The following NRF1 variants were observed in gnomAD, a reference collection of about 807,000 sequenced individuals.
The protein encoded by NRF1 is nuclear respiratory factor 1.
Under a neutral mutation model 58.5 loss-of-function variants are expected in NRF1, and 5 were observed. That is an observed-to-expected ratio of 0.09 (90% CI 0.04 to 0.18). The LOEUF is 0.18. Among genes scored for constraint, NRF1 ranks in the 10% least tolerant of loss-of-function variants. The pLI is 1.00. For synonymous variants in NRF1, 224 were observed against 246.7 expected, an observed-to-expected ratio of 0.91 and a Z score of 0.86; for missense variants, 288 against 657.7, an observed-to-expected ratio of 0.44 and a Z score of 6.15.
At chr7:129,634,033 AAAAAAAAAAG>A (rs1179121490) in intron 1 of NRF1, among the ~76,000 whole-genome samples, 2 of 63,166 alleles carry the variant, frequency 3.2e-5, no homozygotes, top group African/African-American at 2.0e-4. Flanking sequence ...TGTATTTAAA[AAAAAAAAAAG>A]ATATATATAT....
chr7:129,756,737 A>G lies in NRF1; in HGVS notation c.*1556A>G, dbSNP rs1804269116. On this transcript the variant is annotated 3_prime_UTR_variant, in exon 11 of 11. Coordinates refer to ENST00000393232, the MANE Select transcript of NRF1 (RefSeq NM_005011.5). ...CACGTCTTGCTCAACCTTTGAGAGAAGTTTCAGATTCTTGTATTTGCTTGT... is the reference window on the plus strand; with the variant it reads ...CACGTCTTGCTCAACCTTTGAGAGAGGTTTCAGATTCTTGTATTTGCTTGT... 1 of 152,578 alleles carries G rather than the reference A, an allele frequency of 6.6e-6. No homozygotes were observed. Among genetic ancestry groups the G allele is most frequent in the African/African-American group, 2.4e-5 (1 of 41,416 alleles). 9.5% of individuals were successfully genotyped at this position (152,578 alleles called of 1,614,324 possible). A position where few individuals can be genotyped will look rare whatever the true frequency, so the allele number is the denominator to read the frequency against.
intron 1 of NRF1, among the ~76,000 whole-genome samples, chr7:129,625,972 A>T (rs182152907): frequency 6.6e-6 from 1 of 151,918 alleles, no homozygotes; most frequent in Admixed American, 6.6e-5. Context: ...ATGAGCCACC[A>T]CACCCAGCCC....
chr7:129,668,714 C>T lies in NRF1; in HGVS notation c.224-2715C>T, dbSNP rs75371985. Reference sequence around the variant, plus strand: ...CATGGATGAATCTAGAAACATTATTCTAAGTGAAGTTTTAAGTGAAAGAGT... The same window carrying T: ...CATGGATGAATCTAGAAACATTATTTTAAGTGAAGTTTTAAGTGAAAGAGT... On this transcript the variant is annotated intron_variant, in intron 2 of 10. Transcript: ENST00000393232. Among the ~76,000 whole-genome samples, 3,176 of 152,194 alleles carry T rather than the reference C, an allele frequency of 0.021. 244 individuals are homozygous for T. In the East Asian group the frequency reaches 0.26, roughly 12 times the overall value.
At chr7:129,661,789 T>G (rs1240257602) in intron 2 of NRF1, among the ~76,000 whole-genome samples, 1 of 150,952 alleles carries the variant, frequency 6.6e-6, no homozygotes, top group African/African-American at 2.5e-5. Flanking sequence ...TATTACCCAG[T>G]TCCAAAGTCA....
At chr7:129,620,534 G>A (rs1057445721) in intron 1 of NRF1, among the ~76,000 whole-genome samples, 10 of 151,834 alleles carry the variant, frequency 6.6e-5, no homozygotes, top group African/African-American at 1.7e-4. Context: ...GATTACAGGC[G>A]CCTGCCACCA....
intron 1 of NRF1, among the ~76,000 whole-genome samples, chr7:129,654,018 G>A (rs966553335): frequency 6.6e-6 from 1 of 152,212 alleles, no homozygotes; most frequent in African/African-American, 2.4e-5. Flanking sequence ...TGTATGGTAA[G>A]AGTATGTTTA....
chr7:129,657,640 C>CCAAAAA, intron 2 of NRF1, 66 bp downstream of exon 2: 2 of 1,028,060 alleles, frequency 1.9e-6, no homozygotes, highest in Non-Finnish European at 2.8e-6. Flanking sequence ...GACAGCGTCT[C>CCAAAAA]ACTCTGTTGC....
intron 1 of NRF1, among the ~76,000 whole-genome samples, chr7:129,626,230 GT>G (rs1800916620): frequency 6.6e-6 from 1 of 152,184 alleles, no homozygotes; most frequent in Non-Finnish European, 1.5e-5. Flanking sequence ...CTCATTCAAT[GT>G]TGCCTTCGAC....
intron 5 of NRF1, among the ~76,000 whole-genome samples, chr7:129,707,049 AGTGG>A: frequency 6.6e-6 from 1 of 152,254 alleles, no homozygotes; most frequent in East Asian, 1.9e-4. Flanking sequence ...GCTGGAGTGA[AGTGG>A]CACCATCATG....
intron 1 of NRF1, among the ~76,000 whole-genome samples, chr7:129,621,079 C>T (rs1257542322): frequency 6.6e-6 from 1 of 152,166 alleles, no homozygotes; most frequent in Non-Finnish European, 1.5e-5. Flanking sequence ...TTCACTAGAT[C>T]TTACTTGATT....
At chr7:129,747,079 A>G (rs772693763) in intron 10 of NRF1, among the ~76,000 whole-genome samples, 1 of 152,170 alleles carries the variant, frequency 6.6e-6, no homozygotes, top group Non-Finnish European at 1.5e-5. Flanking sequence ...GATAACTTCA[A>G]CAGCCCTGCA....
chr7:129,688,490 A>G (rs1041030788), intron 4 of NRF1, among the ~76,000 whole-genome samples: 1 of 152,128 alleles, frequency 6.6e-6, no homozygotes, highest in Non-Finnish European at 1.5e-5. Context: ...TAACCTTATA[A>G]ACCTTAAAGT....
intron 2 of NRF1, among the ~76,000 whole-genome samples, chr7:129,659,316 TGATCCA>T (rs1801730817): frequency 1.3e-5 from 2 of 152,160 alleles, no homozygotes; most frequent in South Asian, 4.1e-4. Flanking sequence ...TGACCTCGGG[TGATCCA>T]CCCATCTCGG....
chr7:129,629,388 C>T (rs978281607), intron 1 of NRF1, among the ~76,000 whole-genome samples: 1 of 151,548 alleles, frequency 6.6e-6, no homozygotes, highest in African/African-American at 2.4e-5. Context: ...AAGCGATTCT[C>T]TGCCTCAGCC....
intron 1 of NRF1, among the ~76,000 whole-genome samples, chr7:129,655,174 G>T (rs770649796): frequency 2.6e-5 from 4 of 151,794 alleles, no homozygotes; most frequent in Non-Finnish European, 4.4e-5. Context: ...TACATATTTT[G>T]TTAGATTTAT....
intron 5 of NRF1, among the ~76,000 whole-genome samples, chr7:129,693,667 T>C (rs1802620958): frequency 6.6e-6 from 1 of 152,236 alleles, no homozygotes; most frequent in Non-Finnish European, 1.5e-5. Flanking sequence ...TCTAAACTTT[T>C]CTTTACTGTC....
At chr7:129,622,672 C>T (rs1365254387) in intron 1 of NRF1, among the ~76,000 whole-genome samples, 5 of 151,292 alleles carry the variant, frequency 3.3e-5, no homozygotes, top group Non-Finnish European at 5.9e-5. Flanking sequence ...CAGGTTCAAG[C>T]GATTCTGCCA....
chr7:129,724,196 A>G (rs1803398249), intron 9 of NRF1, among the ~76,000 whole-genome samples: 1 of 152,242 alleles, frequency 6.6e-6, no homozygotes, highest in African/African-American at 2.4e-5. Context: ...AAACTCAACA[A>G]CAACAAAAAC....
chr7:129,734,567 A>G (rs952509921), intron 10 of NRF1, among the ~76,000 whole-genome samples: 3 of 152,188 alleles, frequency 2.0e-5, no homozygotes, highest in Admixed American at 2.0e-4. Context: ...CTGGAGGTTC[A>G]TGCTGCTGAG....
Sources: allele counts gnomAD v4.1 joint callset (sites outside exome capture counted in the v4.1 genomes callset), GRCh38; gene constraint gnomAD v4.1.1; transcripts MANE v1.5; gene names NCBI Gene and HGNC (gene_info 2026-07-23, HGNC 2026-07-21).